The following TEX11 variants were observed in gnomAD, a reference collection of about 807,000 sequenced individuals.
The protein encoded by TEX11 is testis-expressed protein 11.
In TEX11, 7 loss-of-function variants were observed where a neutral mutation model predicts 84.4. The ratio of observed to expected loss-of-function variants is 0.08; its 90% confidence interval spans 0.05 to 0.16. TEX11 has a LOEUF of 0.16. Ranked by LOEUF, TEX11 falls within the 10% of genes least tolerant of loss-of-function variation. The probability of loss-of-function intolerance (pLI) is 1.00; values close to 1 mark genes in which losing one functional copy is unlikely to be tolerated. For missense variants in TEX11, 551 were observed against 660.5 expected (o/e 0.83, Z 1.82); for synonymous variants, 264 against 222.8 (o/e 1.18, Z -1.64).
At chrX:70,687,777 T>C (rs1393380965) in intron 13 of TEX11, among the ~76,000 whole-genome samples, 3 of 110,309 alleles carry the variant, frequency 2.7e-5, no homozygotes, top group African/African-American at 6.6e-5. Context: ...GTCCATGTGT[T>C]TGAGGCTGCA....
At chrX:70,847,314 C>T (rs1049738123) in intron 7 of TEX11, among the ~76,000 whole-genome samples, 7 of 111,135 alleles carry the variant, frequency 6.3e-5, no homozygotes, top group Admixed American at 2.9e-4. Flanking sequence ...CAATACAAAA[C>T]GAACTAAGAC....
At chrX:70,879,647 C>CTTA (rs887522206) in intron 3 of TEX11, among the ~76,000 whole-genome samples, 1 of 110,990 alleles carries the variant, frequency 9.0e-6, no homozygotes, top group Non-Finnish European at 1.9e-5. Flanking sequence ...TGCCCAGGAC[C>CTTA]TTATATATGT....
At chrX:70,834,612 A>C (rs2091395220) in intron 7 of TEX11, among the ~76,000 whole-genome samples, 2 of 109,519 alleles carry the variant, frequency 1.8e-5, no homozygotes, top group Non-Finnish European at 3.8e-5. Flanking sequence ...AACAAACAAA[A>C]CAAAACAAAA....
At position 70,634,030 on chromosome X, in the gene TEX11, G is replaced by A. The variant is rs185804770; in HGVS notation, c.1484-4295C>T. 7.1e-5 allele frequency among the ~76,000 whole-genome samples: 8 copies of A among 112,139 alleles called. No individual in the cohort carries two copies. The East Asian group carries it at 2.0e-3, about 27-fold the overall frequency. On this transcript the variant is annotated intron_variant, in intron 17 of 29. Transcript: ENST00000374333. Reference sequence around the variant, plus strand: ...TAATAAGTGAGTTTACCAAAGTTGTGGGATATAAGATCAATATACAAGAAA... The same window carrying A: ...TAATAAGTGAGTTTACCAAAGTTGTAGGATATAAGATCAATATACAAGAAA...
intron 9 of TEX11, among the ~76,000 whole-genome samples, chrX:70,773,896 C>T (rs1485377718): frequency 9.0e-6 from 1 of 111,148 alleles, no homozygotes; most frequent in East Asian, 2.8e-4. Flanking sequence ...AGATTGGCTG[C>T]GAGCTGAGAG....
chrX:70,591,417 A>G (rs2088928039), intron 25 of TEX11, among the ~76,000 whole-genome samples: 1 of 109,461 alleles, frequency 9.1e-6, no homozygotes, highest in Non-Finnish European at 1.9e-5. Flanking sequence ...CCTGGCCAAC[A>G]TGGTGAAACC....
chrX:70,570,832 A>G (rs2088585555), intron 25 of TEX11, among the ~76,000 whole-genome samples: 1 of 111,687 alleles, frequency 9.0e-6, no homozygotes, highest in South Asian at 3.8e-4. Flanking sequence ...TTATTGGCAT[A>G]AAGTTGTTCA....
chrX:70,563,212 G>A (rs763823713), intron 25 of TEX11, among the ~76,000 whole-genome samples: 150 of 111,601 alleles, frequency 1.3e-3, no homozygotes, highest in Non-Finnish European at 2.2e-3. Flanking sequence ...GAAGATTATG[G>A]CTGAGAAACT....
chrX:70,554,622 C>A (rs943796467), intron 26 of TEX11, 29 bp downstream of exon 26: 1 of 1,161,786 alleles, frequency 8.6e-7, no homozygotes. Context: ...TGGGCACCAG[C>A]CTTACAAAAG....
At chrX:70,827,893 T>G (rs746676723) in intron 8 of TEX11, among the ~76,000 whole-genome samples, 91 of 111,519 alleles carry the variant, frequency 8.2e-4, no homozygotes, top group Non-Finnish European at 1.5e-3. Context: ...GCCCAGTGCT[T>G]GCATCACCAC....
intron 17 of TEX11, among the ~76,000 whole-genome samples, chrX:70,647,000 G>A (rs191382498): frequency 8.9e-6 from 1 of 111,831 alleles, no homozygotes; most frequent in East Asian, 2.8e-4. Flanking sequence ...CGGTGGATAA[G>A]TGGATAAAGA....
At chrX:70,568,527 T>G (rs964990356) in intron 25 of TEX11, among the ~76,000 whole-genome samples, 1 of 111,321 alleles carries the variant, frequency 9.0e-6, no homozygotes, top group Non-Finnish European at 1.9e-5. Context: ...TTGGCATGAT[T>G]TTGCCGTGGC....
At chrX:70,820,264 A>G (rs2091311786) in intron 8 of TEX11, among the ~76,000 whole-genome samples, 1 of 111,800 alleles carries the variant, frequency 8.9e-6, no homozygotes, top group Admixed American at 9.5e-5. Flanking sequence ...ATAAATCCAC[A>G]CATTCACAGG....
intron 7 of TEX11, among the ~76,000 whole-genome samples, chrX:70,852,208 T>G (rs971969219): frequency 1.8e-5 from 2 of 112,367 alleles, no homozygotes; most frequent in Non-Finnish European, 3.8e-5. Flanking sequence ...TGTTTGTTTT[T>G]TGAGACACAG....
intron 11 of TEX11, among the ~76,000 whole-genome samples, chrX:70,729,332 G>A (rs2090625380): frequency 9.0e-6 from 1 of 110,515 alleles, no homozygotes; most frequent in African/African-American, 3.3e-5. Context: ...GACGAGTTGA[G>A]AGAAGGCTTC....
At chrX:70,679,437 G>A (rs968255165) in intron 14 of TEX11, among the ~76,000 whole-genome samples, 5 of 80,888 alleles carry the variant, frequency 6.2e-5, no homozygotes, top group African/African-American at 2.4e-4. Flanking sequence ...GCCTGGCTGC[G>A]CAGTCTGGAA....
intron 25 of TEX11, among the ~76,000 whole-genome samples, chrX:70,564,565 C>T (rs191098561): frequency 1.2e-5 from 1 of 85,593 alleles, no homozygotes; most frequent in Non-Finnish European, 2.2e-5. Flanking sequence ...TCCCCCCACC[C>T]CACAACAGTC....
At chrX:70,832,396 G>A (rs902508465) in intron 8 of TEX11, among the ~76,000 whole-genome samples, 3 of 111,894 alleles carry the variant, frequency 2.7e-5, no homozygotes, top group Non-Finnish European at 3.8e-5. Context: ...TCCAAGCAAA[G>A]GATATACAGG....
At chrX:70,730,303 C>T (rs1195966681) in intron 11 of TEX11, among the ~76,000 whole-genome samples, 1 of 111,886 alleles carries the variant, frequency 8.9e-6, no homozygotes, top group East Asian at 2.8e-4. Context: ...CGCATAACAA[C>T]ATTAACCTTA....
Sources: gnomAD v4.1 joint callset for allele counts (sites outside exome capture counted in the v4.1 genomes callset) on GRCh38, gnomAD v4.1.1 for gene constraint, MANE v1.5 for transcripts, NCBI Gene and HGNC (gene_info 2026-07-23, HGNC 2026-07-21) for gene names.